The following PGC variants were observed in gnomAD, a reference collection of about 807,000 sequenced individuals.
PGC encodes the protein gastricsin.
PGC carries 31 observed loss-of-function variants against 45.9 expected under a neutral mutation model. That is an observed-to-expected ratio of 0.67 (90% CI 0.51 to 0.91). The LOEUF (loss-of-function observed/expected upper bound fraction) is 0.91, where lower values mean the gene tolerates loss of function less well. Among genes scored for constraint, PGC ranks in the 40% least tolerant of loss-of-function variants. The probability of loss-of-function intolerance (pLI) is 0.00; values close to 1 mark genes in which losing one functional copy is unlikely to be tolerated. For synonymous variants in PGC, 192 were observed against 201.8 expected (o/e 0.95, Z 0.41); for missense variants, 477 against 493.2 (o/e 0.97, Z 0.31).
intron 5 of PGC, chr6:41,740,979 G>T: frequency 6.6e-7 from 1 of 1,522,852 alleles, no homozygotes; most frequent in Non-Finnish European, 8.8e-7. Flanking sequence ...AGCGCCTCAG[G>T]CTCCCGAATG....
intron 7 of PGC, among the ~76,000 whole-genome samples, chr6:41,739,251 G>A (rs1386600492): frequency 6.6e-6 from 1 of 152,146 alleles, no homozygotes; most frequent in Non-Finnish European, 1.5e-5. Context: ...AGTGACTGCA[G>A]CTCAGAAGAA....
chr6:41,741,848 A>G (rs1466359272), intron 5 of PGC: 4 of 1,533,094 alleles, frequency 2.6e-6, no homozygotes, highest in Non-Finnish European at 3.5e-6. Context: ...ACCAGGCTAG[A>G]ACAATAGATA....
chr6:41,738,169 T>TATATATATGC (rs1561879710), intron 7 of PGC, among the ~76,000 whole-genome samples: 9 of 38,060 alleles, frequency 2.4e-4, no homozygotes, highest in African/African-American at 5.4e-4. Context: ...TATATATGCA[T>TATATATATGC]ATATATATAC....
At chr6:41,743,457 C>T (rs1293024273) in intron 3 of PGC, 68 bp from the exon 4 acceptor site, 24 of 954,596 alleles carry the variant, frequency 2.5e-5, no homozygotes, top group Non-Finnish European at 3.3e-5. Context: ...TCAGGCCTGC[C>T]GGGTTCCCAC....
intron 5 of PGC, 103 bp downstream of exon 5, chr6:41,742,187 T>A (rs1724823938): frequency 9.6e-7 from 1 of 1,043,092 alleles, no homozygotes; most frequent in Non-Finnish European, 1.4e-6. Context: ...AGATGCCCGC[T>A]GGGATGCCTC....
chr6:41,747,388 G>C lies in PGC; in HGVS notation c.-54C>G. ...AAGAGCAGCTCTGAGTTCTGCAGTC[G>C]CAGTGGAGTGAAGACCTGGGCACTC... On this transcript the variant is annotated 5_prime_UTR_variant, in exon 1 of 9. Transcript: ENST00000373025. 1 of 1,473,714 alleles carries C rather than the reference G, an allele frequency of 6.8e-7. No individual in the cohort carries two copies. The highest frequency in any genetic ancestry group is 9.5e-7 in the Non-Finnish European group (1 of 1,053,062). 91.3% of individuals were successfully genotyped at this position (1,473,714 alleles called of 1,614,324 possible). A position where few individuals can be genotyped will look rare whatever the true frequency, so the allele number is the denominator to read the frequency against.
At chr6:41,739,316 C>T (rs1771779563) in intron 7 of PGC, among the ~76,000 whole-genome samples, 1 of 152,352 alleles carries the variant, frequency 6.6e-6, no homozygotes, top group Non-Finnish European at 1.5e-5. Flanking sequence ...ACTGGCCCCG[C>T]CTGAACAAGC....
At chr6:41,738,655 A>G (rs966552120) in intron 7 of PGC, among the ~76,000 whole-genome samples, 2 of 150,892 alleles carry the variant, frequency 1.3e-5, no homozygotes, top group Non-Finnish European at 3.0e-5. Flanking sequence ...AACAACAACA[A>G]CGACAAAAAC....
intron 5 of PGC, chr6:41,741,883 T>A: frequency 6.9e-7 from 1 of 1,450,602 alleles, no homozygotes; most frequent in Non-Finnish European, 9.4e-7. Flanking sequence ...AATACATTAC[T>A]ATGCAAAAGA....
In PGC at chr6:41,742,316, G is replaced by C. The variant is rs1460158949; in HGVS notation, c.621C>G (p.Ser207Arg). 1.9e-6 allele frequency: 3 copies of C among 1,613,934 alleles called. No individual in the cohort carries two copies. The highest frequency in any genetic ancestry group is 1.7e-5 in the Admixed American group (1 of 60,012). The change falls in exon 5 of 9, where the codon AGC (serine) becomes AGG (arginine). Residue 207 changes from serine (S) to arginine (R), a missense_variant. Coordinates refer to ENST00000373025, the MANE Select transcript of PGC (RefSeq NM_002630.4). The stretch of plus-strand genomic sequence containing the variant: ...TGCTGAGGTAGACGCTGAAGACGGG[G>C]CTGGTGAGGGCGCCCTCCTGCACCA... ...QGMVQEGALT[S>R]PVFSVYLSNQ...
intron 5 of PGC, 132 bp downstream of exon 5, chr6:41,742,158 A>G: frequency 1.2e-6 from 1 of 824,092 alleles, no homozygotes; most frequent in South Asian, 1.6e-5. Flanking sequence ...AAGGCCCTGG[A>G]GCAAGACTGA....
At chr6:41,741,857 T>C in intron 5 of PGC, 2 of 1,527,980 alleles carry the variant, frequency 1.3e-6, no homozygotes, top group Non-Finnish European at 1.8e-6. Flanking sequence ...GAACAATAGA[T>C]AAAAGGAGAT....
At position 41,740,670 on chromosome 6, in the gene PGC, G is replaced by A; in HGVS notation, c.648-60C>T. 2.0e-6 allele frequency: 3 copies of A among 1,535,718 alleles called. No individual in the cohort carries two copies. In the East Asian group the frequency reaches 7.0e-5, roughly 36 times the overall value. The stretch of plus-strand genomic sequence containing the variant: ...TGCCATGGAAAAGGACTTTCCTCCT[G>A]AGCAGTCACCTCCACAGGGAAACAG... On this transcript the variant is annotated intron_variant, in intron 5 of 8. Transcript: ENST00000373025.
rs760293138 is a variant in PGC at position 41,736,987 on chromosome 6, G to A, written c.1032C>T (p.Thr344=). 4.1e-5 allele frequency: 66 copies of A among 1,613,542 alleles called. No homozygotes were observed. The highest frequency in any genetic ancestry group is 5.3e-5 in the Non-Finnish European group (63 of 1,179,860). ...ACAGGTAGGTGGGCTCGACTCCCAC[G>A]GTGCAGTAGCCGTTGTTCTGCTCAA... ...SYILSNNGYC[T]VGVEPTYLSS... is the part of the protein sequence containing the mutation. The change falls in exon 9 of 9, where the codon ACC becomes ACT. Residue 344 remains threonine (T), a synonymous_variant. Coordinates refer to ENST00000373025, the MANE Select transcript of PGC (RefSeq NM_002630.4).
intron 5 of PGC, chr6:41,741,774 G>A (rs749558377): frequency 2.4e-5 from 36 of 1,526,720 alleles, no homozygotes; most frequent in Non-Finnish European, 2.9e-5. Context: ...ACATGCTTGT[G>A]TTGACTGGCA....
At chr6:41,740,931 C>G in intron 5 of PGC, 1 of 1,486,066 alleles carries the variant, frequency 6.7e-7, no homozygotes, top group Non-Finnish European at 8.9e-7. Context: ...GGATGCGTCC[C>G]TTAGACTGGG....
intron 7 of PGC, among the ~76,000 whole-genome samples, chr6:41,739,053 T>G (rs1771773883): frequency 6.6e-6 from 1 of 152,010 alleles, no homozygotes; most frequent in Non-Finnish European, 1.5e-5. Context: ...TTAGTGGTAG[T>G]GGGCTTGGGT....
At chr6:41,738,193 T>TATATATATACATATATATATAC (rs1561879810) in intron 7 of PGC, among the ~76,000 whole-genome samples, 2 of 35,354 alleles carry the variant, frequency 5.7e-5, no homozygotes, top group Non-Finnish European at 1.4e-4. Context: ...TATATATGCA[T>TATATATATACATATATATATAC]ATATATATGC....
Position 41,737,011 on chromosome 6 carries a change from A to T in PGC, c.1015-7T>A. On this transcript the variant is annotated splice_polypyrimidine_tract_variant and splice_region_variant and intron_variant, in intron 8 of 8. Transcript: ENST00000373025. ...CGGTGCAGTAGCCGTTGTTCTGCTC[A>T]ACAAAGAAAGGCAGCACTCATTCAT... 1 of 1,611,640 alleles carries T rather than the reference A, an allele frequency of 6.2e-7. No homozygotes were observed. The highest frequency in any genetic ancestry group is 1.1e-5 in the South Asian group (1 of 90,788).
Sources: gnomAD v4.1 joint callset for allele counts (sites outside exome capture counted in the v4.1 genomes callset) on GRCh38, gnomAD v4.1.1 for gene constraint, MANE v1.5 for transcripts, NCBI Gene and HGNC (gene_info 2026-07-23, HGNC 2026-07-21) for gene names.